The following KMT2E variants were observed in gnomAD, a reference collection of about 807,000 sequenced individuals.
KMT2E encodes histone reader KMT2E.
Under a neutral mutation model 184.6 loss-of-function variants are expected in KMT2E, and 30 were observed. The observed-to-expected ratio is 0.16, with a 90% CI of 0.12 to 0.22. KMT2E has a LOEUF of 0.22. Ranked by LOEUF, KMT2E falls within the 10% of genes least tolerant of loss-of-function variation. The pLI, the probability that KMT2E is intolerant of heterozygous loss-of-function variation, is 1.00. For synonymous variants in KMT2E, 815 were observed against 776.5 expected, an observed-to-expected ratio of 1.05 and a Z score of -0.82; for missense variants, 2,023 against 2,237.4, an observed-to-expected ratio of 0.90 and a Z score of 1.93.
chr7:105,106,072 C>A, intron 19 of KMT2E, 69 bp downstream of exon 19: 1 of 1,402,380 alleles, frequency 7.1e-7, no homozygotes, highest in Non-Finnish European at 9.7e-7. Flanking sequence ...TTATAACAGG[C>A]ATATTTCTAG....
At chr7:105,110,747 C>T (rs781684938) in intron 25 of KMT2E, 24 bp from the exon 26 acceptor site, 3 of 1,598,006 alleles carry the variant, frequency 1.9e-6, no homozygotes, top group Non-Finnish European at 2.6e-6. Context: ...TTTATACTTA[C>T]TATAGGTTTC....
intron 15 of KMT2E, among the ~76,000 whole-genome samples, chr7:105,096,429 C>G (rs1798414524): frequency 6.6e-6 from 1 of 151,966 alleles, no homozygotes. Flanking sequence ...AAAATTGAGT[C>G]CACAGAAGAT....
chr7:105,034,183 A>G (rs1246309081), intron 1 of KMT2E, among the ~76,000 whole-genome samples: 1 of 152,122 alleles, frequency 6.6e-6, no homozygotes, highest in Non-Finnish European at 1.5e-5. Flanking sequence ...AGTTTCCCTC[A>G]ATGGTAAAGT....
chr7:105,015,104 G>A (rs549514310), intron 1 of KMT2E, among the ~76,000 whole-genome samples: 1 of 152,240 alleles, frequency 6.6e-6, no homozygotes, highest in African/African-American at 2.4e-5. Flanking sequence ...CCTGGAGAGG[G>A]TAAACCCGCC....
chr7:105,106,132 CT>C, intron 19 of KMT2E, 129 bp downstream of exon 19: 1 of 945,164 alleles, frequency 1.1e-6, no homozygotes, highest in South Asian at 1.8e-5. Context: ...TAGATTTTCT[CT>C]TTTCTGTCCT....
chr7:105,109,324 C>A, intron 23 of KMT2E, 96 bp downstream of exon 23: 2 of 1,242,006 alleles, frequency 1.6e-6, no homozygotes, highest in Non-Finnish European at 1.1e-6. Flanking sequence ...GCTGATAGTG[C>A]TTCGTGGTCA....
At position 105,040,884 on chromosome 7, in the gene KMT2E, C is replaced by A; in HGVS notation, c.-69C>A. 3 of 1,129,320 alleles carry A rather than the reference C, an allele frequency of 2.7e-6. No homozygotes were observed. Among genetic ancestry groups the A allele is most frequent in the Admixed American group, 1.9e-5 (1 of 51,520 alleles). The allele number at this position is 1,129,320 out of a possible 1,614,324, so 70.0% of individuals were successfully genotyped here. On this transcript the variant is annotated 5_prime_UTR_variant, in exon 3 of 27. Coordinates refer to ENST00000311117, the MANE Select transcript of KMT2E (RefSeq NM_182931.3). Reference sequence around the variant, plus strand: ...TGTTTGCAATGAGCACTGTGGCTGGCATGCCCCAGTGTTTTGGATACCAAT... The same window carrying A: ...TGTTTGCAATGAGCACTGTGGCTGGAATGCCCCAGTGTTTTGGATACCAAT...
At chr7:105,063,844 A>G in intron 5 of KMT2E, 1 of 482,430 alleles carries the variant, frequency 2.1e-6, no homozygotes, top group Non-Finnish European at 3.7e-6. Flanking sequence ...TTAGTTCAAT[A>G]GTAGTACAAG....
At chr7:105,023,491 C>G (rs1440273707) in intron 1 of KMT2E, among the ~76,000 whole-genome samples, 1 of 143,154 alleles carries the variant, frequency 7.0e-6, no homozygotes. Context: ...GTCGCCCAGG[C>G]TGGAGTGCAG....
intron 3 of KMT2E, among the ~76,000 whole-genome samples, chr7:105,059,572 A>G (rs1337298262): frequency 6.6e-6 from 1 of 152,252 alleles, no homozygotes; most frequent in Non-Finnish European, 1.5e-5. Flanking sequence ...TAATAGTGAC[A>G]AATAGAAATA....
chr7:105,035,747 T>C lies in KMT2E; in HGVS notation c.-188-2379T>C, dbSNP rs140573796. Among the ~76,000 whole-genome samples, 453 of 151,738 alleles carry C rather than the reference T, an allele frequency of 3.0e-3. 15 individuals carry two copies. The East Asian group carries it at 0.063, about 21-fold the overall frequency. On this transcript the variant is annotated intron_variant, in intron 1 of 26. Coordinates refer to ENST00000311117, the MANE Select transcript of KMT2E (RefSeq NM_182931.3). The stretch of plus-strand genomic sequence containing the variant: ...GCTAATTTTGTATTTCTAGTAGAGG[T>C]GGGGTTTCACCATGTTGGCCAGGCT...
chr7:105,066,637 C>A, intron 5 of KMT2E, 90 bp from the exon 6 acceptor site: 1 of 988,260 alleles, frequency 1.0e-6, no homozygotes, highest in Non-Finnish European at 1.6e-6. Flanking sequence ...AAAGTAGGTG[C>A]TTATTAAATG....
chr7:105,059,978 G>GTTTTTTTTTTTTT lies in KMT2E; in HGVS notation c.72-2165_72-2153dup, dbSNP rs67291226. ...GCTGAATATTGATTTTCTTGTTGTT[G>GTTTTTTTTTTTTT]TTTTTTTTTTTTTTTTTTTTTTTTT... On this transcript the variant is annotated intron_variant, in intron 3 of 26. Transcript: ENST00000311117. Among the ~76,000 whole-genome samples the GTTTTTTTTTTTTT allele has an allele frequency of 1.0e-3, 54 of 51,798 alleles. 11 individuals are homozygous for GTTTTTTTTTTTTT. Among genetic ancestry groups the GTTTTTTTTTTTTT allele is most frequent in the Non-Finnish European group, 1.4e-3 (34 of 24,952 alleles). The allele number at this position is 51,798 out of a possible 152,430, so 34.0% of individuals were successfully genotyped here.
At chr7:105,070,129 A>C (rs1355971100) in intron 6 of KMT2E, among the ~76,000 whole-genome samples, 1 of 151,808 alleles carries the variant, frequency 6.6e-6, no homozygotes, top group Non-Finnish European at 1.5e-5. Flanking sequence ...TTACAAATAA[A>C]GTTTCTGTGA....
chr7:105,053,290 A>T (rs1463354894), intron 3 of KMT2E, among the ~76,000 whole-genome samples: 3 of 152,118 alleles, frequency 2.0e-5, no homozygotes, highest in Non-Finnish European at 4.4e-5. Context: ...ACTGACCATG[A>T]TATAATAAAT....
intron 13 of KMT2E, among the ~76,000 whole-genome samples, chr7:105,083,100 G>GTAAA (rs1194762704): frequency 6.6e-6 from 1 of 152,102 alleles, no homozygotes; most frequent in East Asian, 1.9e-4. Flanking sequence ...TGGCTCTGAT[G>GTAAA]TAAATCCTGT....
intron 13 of KMT2E, among the ~76,000 whole-genome samples, chr7:105,089,592 C>G (rs1208116696): frequency 1.3e-5 from 2 of 152,226 alleles, no homozygotes; most frequent in African/African-American, 4.8e-5. Context: ...GTTTCAGGCA[C>G]AGAATTAGTA....
Position 105,113,106 on chromosome 7 carries a change from C to T in KMT2E, c.5350C>T (p.Pro1784Ser), listed in dbSNP as rs145540034. 4,646 of 1,614,132 alleles carry T rather than the reference C, an allele frequency of 2.9e-3. 11 individuals are homozygous for T. The highest frequency in any genetic ancestry group is 3.6e-3 in the Non-Finnish European group (4,250 of 1,180,018). Residue 1784 changes from proline (P) to serine (S), a missense_variant, in exon 27 of 27, where the codon CCA becomes TCA. Around this residue, in one of 8 missense-constraint regions of KMT2E, gnomAD observed 1,108 missense variants for 1,050.9 expected, o/e 1.05. Coordinates refer to ENST00000311117, the MANE Select transcript of KMT2E (RefSeq NM_182931.3). ...CCAGCACCAGCCTTCTGGAACAGGG[C>T]CACATTGTCCATTACCTGTCACAGG... is the stretch of plus-strand genomic sequence containing the variant. ...GPQHQPSGTG[P>S]HCPLPVTGPH...
In KMT2E at chr7:105,105,570, T is replaced by C; in HGVS notation, c.2328T>C (p.Gly776=). ...VLATQLNSLP[G]LTYSPHVYST... ...CTACACAACTCAATTCTTTACCAGG[T>C]CTCACTTACAGCCCCCATGTATACT... The change falls in exon 18 of 27, where the codon GGT becomes GGC. Residue 776 remains glycine (G), a synonymous_variant. Coordinates refer to ENST00000311117, the MANE Select transcript of KMT2E (RefSeq NM_182931.3). The C allele has an allele frequency of 6.2e-7, 1 of 1,614,066 alleles. No individual in the cohort carries two copies. Among genetic ancestry groups the C allele is most frequent in the East Asian group, 2.2e-5 (1 of 44,872 alleles).
Sources: allele counts gnomAD v4.1 joint callset (sites outside exome capture counted in the v4.1 genomes callset), GRCh38; gene constraint gnomAD v4.1.1; regional missense constraint gnomAD v4.1.1; transcripts MANE v1.5; gene names NCBI Gene and HGNC (gene_info 2026-07-23, HGNC 2026-07-21).